Variants in GSS observed in about 807,000 individuals in gnomAD.
GSS encodes GSH synthetase.
GSS carries 34 observed loss-of-function variants against 60.4 expected under a neutral mutation model. That is an observed-to-expected ratio of 0.56 (90% confidence interval 0.43 to 0.75). The LOEUF is 0.75. GSS is among the 30% of genes least tolerant of loss of function. The pLI, the probability that GSS is intolerant of heterozygous loss-of-function variation, is 0.00. For missense variants in GSS, 499 were observed against 595.1 expected, an observed-to-expected ratio of 0.84 and a Z score of 1.68; for synonymous variants, 224 against 239.0, an observed-to-expected ratio of 0.94 and a Z score of 0.58.
At position 34,942,585 on chromosome 20, in the gene GSS, G is replaced by A. The variant is rs202195412; in HGVS notation, c.394C>T (p.Arg132Cys). ...GLNRSDYMFQ[R>C]SADGSPALKQ... is the part of the protein sequence containing the mutation. ...AGGGCTGGGGAGCCATCTGCGCTGC[G>A]CTGGAACATGTAGTCTGAGCGATTC... Residue 132 changes from arginine (R) to cysteine (C), a missense_variant, in exon 5 of 13, where the codon CGC becomes TGC. Transcript: ENST00000651619. 35 of 1,613,914 alleles carry A rather than the reference G, an allele frequency of 2.2e-5. No individual in the cohort carries two copies. Among genetic ancestry groups the A allele is most frequent in the Admixed American group, 1.0e-4 (6 of 60,016 alleles).
At position 34,953,854 on chromosome 20, in the gene GSS, C is replaced by T. The variant is rs537037733; in HGVS notation, c.-9+1873G>A. 7.9e-5 allele frequency among the ~76,000 whole-genome samples: 12 copies of T among 152,252 alleles called. No individual in the cohort carries two copies. The South Asian group carries it at 2.3e-3, about 29-fold the overall frequency. On this transcript the variant is annotated intron_variant, in intron 1 of 12. Coordinates refer to ENST00000651619, the MANE Select transcript of GSS (RefSeq NM_000178.4). Reference sequence around the variant, plus strand: ...ATGGTCTCGATCTCGTGATCCCCCACTCTCGGCCTCCCAAAGTGCTGGGAT... The same window carrying T: ...ATGGTCTCGATCTCGTGATCCCCCATTCTCGGCCTCCCAAAGTGCTGGGAT...
intron 6 of GSS, among the ~76,000 whole-genome samples, chr20:34,940,996 C>T (rs1241115209): frequency 6.6e-6 from 1 of 152,126 alleles, no homozygotes; most frequent in Admixed American, 6.6e-5. Flanking sequence ...ATTCCAAATT[C>T]AAGCATACCA....
At chr20:34,953,082 A>T (rs1320016087) in intron 1 of GSS, among the ~76,000 whole-genome samples, 4 of 152,244 alleles carry the variant, frequency 2.6e-5, no homozygotes, top group Admixed American at 2.6e-4. Flanking sequence ...GGTTGCCCAG[A>T]GACATACAGA....
At chr20:34,936,897 C>T in intron 7 of GSS, 46 bp downstream of exon 7, 1 of 1,604,138 alleles carries the variant, frequency 6.2e-7, no homozygotes, top group Non-Finnish European at 8.5e-7. Context: ...AGTGCCCCAC[C>T]CCTAATCCTG....
rs1217041493 is a variant in GSS at position 34,928,772 on chromosome 20, C to T, written c.*56G>A. The T allele has an allele frequency of 6.2e-7, 1 of 1,602,792 alleles. No homozygotes were observed. Among genetic ancestry groups the T allele is most frequent in the Non-Finnish European group, 8.5e-7 (1 of 1,170,006 alleles). On this transcript the variant is annotated 3_prime_UTR_variant, in exon 13 of 13. Transcript: ENST00000651619. ...TTTAGGAGGATACCCCTCAGGAGGGCTAGGAGAGGAATGACAAATACAGAG... is the reference window on the plus strand; with the variant it reads ...TTTAGGAGGATACCCCTCAGGAGGGTTAGGAGAGGAATGACAAATACAGAG...
rs751351803 is a variant in GSS at position 34,928,965 on chromosome 20, G to C, written c.1302-14C>G. The stretch of plus-strand genomic sequence containing the variant: ...GTCTTTTCCTGCCTATAGAAATGGA[G>C]GCAGGGGACACACATCACCTGGACT... On this transcript the variant is annotated splice_polypyrimidine_tract_variant and intron_variant, in intron 12 of 12. Coordinates refer to ENST00000651619, the MANE Select transcript of GSS (RefSeq NM_000178.4). 1 of 1,612,678 alleles carries C rather than the reference G, an allele frequency of 6.2e-7. No individual in the cohort carries two copies. Among genetic ancestry groups the C allele is most frequent in the East Asian group, 2.2e-5 (1 of 44,884 alleles).
intron 1 of GSS, chr20:34,952,962 A>G (rs566216456): frequency 6.6e-6 from 1 of 152,372 alleles, no homozygotes; most frequent in African/African-American, 2.4e-5. Flanking sequence ...ATATATGGAC[A>G]TTTATCATCA....
intron 5 of GSS, 70 bp from the exon 6 acceptor site, chr20:34,941,899 T>C: frequency 1.2e-6 from 1 of 822,068 alleles, no homozygotes; most frequent in Non-Finnish European, 2.2e-6. Context: ...TGACCTCATA[T>C]ATACAGCAAC....
chr20:34,951,576 T>C, intron 2 of GSS, 148 bp downstream of exon 2: 12 of 890,698 alleles, frequency 1.3e-5, no homozygotes, highest in Non-Finnish European at 1.9e-5. Flanking sequence ...ACTGCCTTTT[T>C]ATTTTCTACT....
chr20:34,953,624 T>C (rs1430460323), intron 1 of GSS, among the ~76,000 whole-genome samples: 2 of 149,840 alleles, frequency 1.3e-5, no homozygotes, highest in South Asian at 2.1e-4. Context: ...TTCTTTCTTT[T>C]TTTTTTTTTT....
chr20:34,950,455 G>T (rs748127854), intron 2 of GSS, among the ~76,000 whole-genome samples: 1 of 151,934 alleles, frequency 6.6e-6, no homozygotes, highest in African/African-American at 2.4e-5. Context: ...GTACTGTTAA[G>T]TTAAAGAAAA....
upstream of GSS, chr20:34,955,862 A>C (rs1308270388): frequency 6.6e-6 from 1 of 152,292 alleles, no homozygotes; most frequent in South Asian, 2.1e-4. Flanking sequence ...CGGGGCAGAG[A>C]CCCATACCTT....
At position 34,942,639 on chromosome 20, in the gene GSS, A is replaced by G. The variant is rs1336467614; in HGVS notation, c.352-12T>C. ...CCCAGGAACACAGTCTGTGGGGAAA[A>G]CTGAAGGCTGACAGTACCTGCCCAG... On this transcript the variant is annotated splice_polypyrimidine_tract_variant and intron_variant, in intron 4 of 12. Transcript: ENST00000651619. 3 of 1,613,764 alleles carry G rather than the reference A, an allele frequency of 1.9e-6. No homozygotes were observed. Among genetic ancestry groups the G allele is most frequent in the African/African-American group, 1.3e-5 (1 of 74,886 alleles).
chr20:34,941,578 C>G (rs745994664), intron 6 of GSS, 135 bp downstream of exon 6: 22 of 686,092 alleles, frequency 3.2e-5, no homozygotes, highest in Non-Finnish European at 5.8e-5. Flanking sequence ...ATAATTTTGG[C>G]ATGTAAAGGT....
intron 6 of GSS, among the ~76,000 whole-genome samples, chr20:34,937,776 T>C (rs1403062482): frequency 6.6e-6 from 1 of 152,214 alleles, no homozygotes; most frequent in Non-Finnish European, 1.5e-5. Context: ...ATTTCCGTTG[T>C]CAAAGATAGG....
chr20:34,951,039 C>T (rs1462826580), intron 2 of GSS, among the ~76,000 whole-genome samples: 2 of 152,084 alleles, frequency 1.3e-5, no homozygotes, highest in Non-Finnish European at 2.9e-5. Flanking sequence ...GGTGCCCCAA[C>T]AGACATATGC....
intron 8 of GSS, among the ~76,000 whole-genome samples, chr20:34,936,281 G>A (rs1299948453): frequency 6.6e-6 from 1 of 152,200 alleles, no homozygotes; most frequent in Non-Finnish European, 1.5e-5. Flanking sequence ...CAAAGGTCTA[G>A]GTCTAAATAT....
At chr20:34,943,124 G>A (rs1600386696) in intron 3 of GSS, 118 bp from the exon 4 acceptor site, 1 of 737,400 alleles carries the variant, frequency 1.4e-6, no homozygotes, top group Admixed American at 2.0e-5. Flanking sequence ...AAACTTGAAT[G>A]TCCGCCCCAA....
chr20:34,951,414 A>G, intron 2 of GSS: 3 of 363,284 alleles, frequency 8.3e-6, no homozygotes, highest in Non-Finnish European at 1.5e-5. Flanking sequence ...AGTGCTTCAC[A>G]TGAATCATCC....
Sources: allele counts gnomAD v4.1 joint callset (sites outside exome capture counted in the v4.1 genomes callset), GRCh38; gene constraint gnomAD v4.1.1; transcripts MANE v1.5; gene names NCBI Gene and HGNC (gene_info 2026-07-23, HGNC 2026-07-21).